The following USP42 variants were observed in gnomAD, a reference collection of about 807,000 sequenced individuals.
USP42 encodes the protein ubiquitin carboxyl-terminal hydrolase 42.
USP42 carries 23 observed loss-of-function variants against 113.0 expected under a neutral mutation model. The observed-to-expected ratio is 0.20, with a 90% CI of 0.15 to 0.29. The LOEUF (loss-of-function observed/expected upper bound fraction) is 0.29. USP42 is among the 10% of genes least tolerant of loss of function. The probability of loss-of-function intolerance (pLI) is 1.00; values close to 1 mark genes in which losing one functional copy is unlikely to be tolerated. For missense variants in USP42, 2,174 were observed against 1,779.8 expected, an observed-to-expected ratio of 1.22 and a Z score of -3.99; for synonymous variants, 933 against 699.0, an observed-to-expected ratio of 1.33 and a Z score of -5.28.
chr7:6,124,502 G>T (rs889325186), intron 3 of USP42, among the ~76,000 whole-genome samples: 2 of 150,574 alleles, frequency 1.3e-5, no homozygotes, highest in Non-Finnish European at 3.0e-5. Context: ...CTGACCTCGT[G>T]ATCTGCCTGC....
Position 6,158,743 on chromosome 7 carries a change from C to T in USP42, c.3944-707C>T, listed in dbSNP as rs866724097. Among the ~76,000 whole-genome samples the T allele has an allele frequency of 6.6e-6, 1 of 152,146 alleles. No individual in the cohort carries two copies. The highest frequency in any genetic ancestry group is 2.4e-5 in the African/African-American group (1 of 41,414). On this transcript the variant is annotated intron_variant, in intron 16 of 17. Coordinates refer to ENST00000306177, the MANE Select transcript of USP42 (RefSeq NM_032172.3). The surrounding 1 kb of genome is among the most constrained non-coding windows in gnomAD (Gnocchi z 4.2). Reference sequence around the variant, plus strand: ...TTTCAGCGAATCGGGGAAGGAGATTCGTGAGGGCTGCTTGGTACCCGAGGA... The same window carrying T: ...TTTCAGCGAATCGGGGAAGGAGATTTGTGAGGGCTGCTTGGTACCCGAGGA...
At position 6,154,224 on chromosome 7, in the gene USP42, G is replaced by T; in HGVS notation, c.2670G>T (p.Leu890Phe). Residue 890 changes from leucine to phenylalanine, a missense_variant, in exon 15 of 18, where the codon TTG becomes TTT. Leu to Phe is a conservative substitution (Grantham distance 22). Coordinates refer to ENST00000306177, the MANE Select transcript of USP42 (RefSeq NM_032172.3). ...ACGCTCAGGACCCATCCCAGAGCTT[G>T]GGCGCACCCGAGGCCGCAGAGCGGC... ...ARDAQDPSQS[L>F]GAPEAAERPP... The T allele has an allele frequency of 6.2e-7, 1 of 1,606,814 alleles. No homozygotes were observed. The highest frequency in any genetic ancestry group is 2.2e-5 in the East Asian group (1 of 44,826).
chr7:6,154,834 A>G lies in USP42; in HGVS notation c.3280A>G (p.Lys1094Glu), dbSNP rs1371728748. The change falls in exon 15 of 18, where the codon AAG (lysine) becomes GAG (glutamate). Residue 1094 changes from lysine to glutamate, a missense_variant. Transcript: ENST00000306177. ...ERAGLHERPH[K>E]DHNRGRRGCE... ...GGCCGGGCTGCACGAGCGGCCGCAC[A>G]AGGACCACAACCGGGGCCGTAGGGG... The G allele has an allele frequency of 1.9e-6, 3 of 1,540,056 alleles. No individual in the cohort carries two copies. The highest frequency in any genetic ancestry group is 2.6e-6 in the Non-Finnish European group (3 of 1,141,022).
rs376412352 is a variant in USP42 at position 6,154,707 on chromosome 7, C to A, written c.3153C>A (p.Pro1051=). ...ERGWGREKFY[P]DRPRWDRCRY... ...GCTGGGGCCGGGAGAAGTTCTACCCCGACAGGCCGCGCTGGGACAGGTGCC... is the reference window on the plus strand; with the variant it reads ...GCTGGGGCCGGGAGAAGTTCTACCCAGACAGGCCGCGCTGGGACAGGTGCC... Residue 1051 remains proline, a synonymous_variant, in exon 15 of 18, where the codon CCC becomes CCA. Transcript: ENST00000306177. 1.3e-6 allele frequency: 2 copies of A among 1,597,038 alleles called. No homozygotes were observed. The highest frequency in any genetic ancestry group is 1.7e-5 in the Admixed American group (1 of 58,314).
At chr7:6,144,648 T>C (rs1364931859) in intron 9 of USP42, among the ~76,000 whole-genome samples, 1 of 152,214 alleles carries the variant, frequency 6.6e-6, no homozygotes, top group African/African-American at 2.4e-5. Flanking sequence ...GTTGGGCATA[T>C]CACTTCAAGC....
chr7:6,110,119 C>A (rs1219654797), intron 1 of USP42, among the ~76,000 whole-genome samples: 1 of 151,808 alleles, frequency 6.6e-6, no homozygotes, highest in South Asian at 2.1e-4. Context: ...TAGGCATGAG[C>A]CACCGCGCCC....
At chr7:6,127,127 G>A (rs547373715) in intron 3 of USP42, among the ~76,000 whole-genome samples, 7 of 152,158 alleles carry the variant, frequency 4.6e-5, no homozygotes, top group African/African-American at 1.7e-4. Context: ...ATCTGTTTGT[G>A]TTCTTTGGTG....
At chr7:6,106,469 G>A (rs767429370) in intron 1 of USP42, among the ~76,000 whole-genome samples, 3 of 152,210 alleles carry the variant, frequency 2.0e-5, no homozygotes, top group Non-Finnish European at 2.9e-5. Context: ...CCATATAAGA[G>A]ACTGGGAATT....
rs1216655368 is a variant in USP42 at position 6,154,567 on chromosome 7, A to C, written c.3013A>C (p.Arg1005=). The change falls in exon 15 of 18, where the codon AGG becomes CGG. Residue 1005 remains arginine, a synonymous_variant. Transcript: ENST00000306177. The part of the protein sequence containing the change: ...APEHHPGHGD[R]LSPGERRSLG... ...GGAGCACCACCCCGGCCACGGCGACAGGCTCAGCCCTGGCGAGCGCCGCTC... is the reference window on the plus strand; with the variant it reads ...GGAGCACCACCCCGGCCACGGCGACCGGCTCAGCCCTGGCGAGCGCCGCTC... The C allele has an allele frequency of 2.6e-6, 4 of 1,556,576 alleles. No homozygotes were observed. The highest frequency in any genetic ancestry group is 3.9e-5 in the Admixed American group (2 of 51,878).
At chr7:6,152,216 C>T (rs1188849605) in intron 14 of USP42, among the ~76,000 whole-genome samples, 9 of 152,328 alleles carry the variant, frequency 5.9e-5, no homozygotes, top group African/African-American at 1.9e-4. Flanking sequence ...TGAGTGACAG[C>T]TCAGAGTGCG....
intron 4 of USP42, among the ~76,000 whole-genome samples, chr7:6,138,090 A>C (rs1264709523): frequency 6.6e-6 from 1 of 152,180 alleles, no homozygotes; most frequent in African/African-American, 2.4e-5. Context: ...ACTGATACAC[A>C]CATGGTTCAG....
intron 3 of USP42, among the ~76,000 whole-genome samples, chr7:6,129,560 A>G (rs772505163): frequency 6.7e-5 from 7 of 103,708 alleles, no homozygotes; most frequent in South Asian, 3.1e-4. Context: ...CTGCCTCAGG[A>G]AAAAAAAAAA....
intron 3 of USP42, among the ~76,000 whole-genome samples, chr7:6,129,244 A>G (rs973675985): frequency 2.6e-5 from 4 of 152,146 alleles, no homozygotes; most frequent in African/African-American, 9.7e-5. Flanking sequence ...ACTCTCCACT[A>G]GTTATAATTG....
Position 6,157,682 on chromosome 7 carries a change from G to A in USP42, c.3943+627G>A, listed in dbSNP as rs554254281. On this transcript the variant is annotated intron_variant, in intron 16 of 17. Coordinates refer to ENST00000306177, the MANE Select transcript of USP42 (RefSeq NM_032172.3). The surrounding 1 kb of genome is among the most constrained non-coding windows in gnomAD (Gnocchi z 4.1). ...TTTGCAGCGTATACGTTACTCTCCC[G>A]AATCCTTAAACCTGTAGCATTCTGA... Among the ~76,000 whole-genome samples the A allele has an allele frequency of 1.2e-4, 18 of 152,292 alleles. No individual in the cohort carries two copies. The highest frequency in any genetic ancestry group is 9.8e-4 in the Admixed American group (15 of 15,288).
chr7:6,090,300 CA>C, the USP42 span, among the ~76,000 whole-genome samples: 48,283 of 102,800 alleles, frequency 0.47, 10,574 homozygotes, highest in Middle Eastern at 0.67. Flanking sequence ...AACTCTGTCT[CA>C]AAAAAAAAAA....
rs371602141 is a variant in USP42 at position 6,147,863 on chromosome 7, G to A, written c.1357G>A (p.Gly453Arg). The A allele has an allele frequency of 1.5e-5, 24 of 1,611,372 alleles. No individual in the cohort carries two copies. The highest frequency in any genetic ancestry group is 2.7e-5 in the African/African-American group (2 of 74,856). The change falls in exon 12 of 18, where the codon GGA becomes AGA. Residue 453 changes from glycine (G) to arginine (R), a missense_variant. Gly to Arg is a moderately radical substitution (Grantham distance 125). Transcript: ENST00000306177. ...CAAACAGGCTGCGCCAGGCTTTATC[G>A]GACCACAGCTTCCCTCTCACATGAT... ...TNKQAAPGFI[G>R]PQLPSHMIKN...
At chr7:6,097,990 C>T in the USP42 span, among the ~76,000 whole-genome samples, 8 of 140,924 alleles carry the variant, frequency 5.7e-5, no homozygotes, top group African/African-American at 1.6e-4. Flanking sequence ...CTGCAAACTT[C>T]AACTCCCTGG....
intron 3 of USP42, among the ~76,000 whole-genome samples, chr7:6,121,546 T>C (rs1246200256): frequency 2.6e-5 from 4 of 152,228 alleles, no homozygotes; most frequent in African/African-American, 4.8e-5. Context: ...ATCTGTTTCC[T>C]GGAAGAGTTT....
chr7:6,111,769 AT>A (rs375859355), intron 2 of USP42: 1,075 of 139,264 alleles, frequency 7.7e-3, no homozygotes, highest in South Asian at 0.031. Flanking sequence ...AGCCCGGCTA[AT>A]TTTTTTTTTT....
Sources: allele counts gnomAD v4.1 joint callset (sites outside exome capture counted in the v4.1 genomes callset), GRCh38; gene constraint gnomAD v4.1.1; non-coding constraint Gnocchi (gnomAD v3.1); transcripts MANE v1.5; gene names NCBI Gene and HGNC (gene_info 2026-07-23, HGNC 2026-07-21).